CHD1L: variants seen among roughly 807,000 people sequenced by gnomAD.
CHD1L encodes chromodomain helicase DNA binding protein 1 like, also known as ATP-dependent chromatin remodeler CHD1L.
In CHD1L, 118 loss-of-function variants were observed where a neutral mutation model predicts 115.9. The observed-to-expected ratio is 1.02, with a 90% CI of 0.88 to 1.19. The LOEUF (loss-of-function observed/expected upper bound fraction) is 1.19. Ranked by LOEUF, CHD1L falls within the 50% of genes most tolerant of loss-of-function variation. The pLI is 0.00. For synonymous variants in CHD1L, 411 were observed against 387.1 expected (o/e 1.06, Z -0.72); for missense variants, 1,179 against 1,065.3 (o/e 1.11, Z -1.49).
chr1:147,221,364 G>A, the CHD1L span, among the ~76,000 whole-genome samples: 2 of 152,168 alleles, frequency 1.3e-5, no homozygotes, highest in Non-Finnish European at 2.9e-5. Flanking sequence ...AACTGGACAT[G>A]AGGTGTACTG....
chr1:147,291,501 C>G lies in CHD1L; in HGVS notation c.2340C>G (p.Val780=). The G allele has an allele frequency of 1.3e-5, 21 of 1,613,898 alleles. No homozygotes were observed. Among genetic ancestry groups the G allele is most frequent in the Non-Finnish European group, 1.7e-5 (20 of 1,179,878 alleles). Reference sequence around the variant, plus strand: ...CCTCAGACCTGAGTTTGGGAGGTGTCCTTTTATTTCCTGTTGATGATAAAG... The same window carrying G: ...CCTCAGACCTGAGTTTGGGAGGTGTGCTTTTATTTCCTGTTGATGATAAAG... ...GKMKDLSLGG[V]LLFPVDDKES... The change falls in exon 20 of 23, where the codon GTC becomes GTG. Residue 780 remains valine, a synonymous_variant. Coordinates refer to ENST00000369258, the MANE Select transcript of CHD1L (RefSeq NM_004284.6).
At chr1:147,243,780 A>AT (rs1453214562) in intron 1 of CHD1L, among the ~76,000 whole-genome samples, 2 of 152,234 alleles carry the variant, frequency 1.3e-5, no homozygotes, top group Non-Finnish European at 2.9e-5. Flanking sequence ...AGCAAAACAA[A>AT]TAGGGACCCT....
At chr1:147,287,054 GTTTA>G (rs1250696658) in intron 18 of CHD1L, among the ~76,000 whole-genome samples, 5 of 152,066 alleles carry the variant, frequency 3.3e-5, no homozygotes, top group Non-Finnish European at 5.9e-5. Context: ...CTATGTATTT[GTTTA>G]TTTGACTGTT....
the CHD1L span, chr1:147,201,116 CAAGTAATT>C: frequency 6.9e-7 from 1 of 1,448,042 alleles, no homozygotes; most frequent in South Asian, 1.2e-5. Context: ...AACATATCAC[CAAGTAATT>C]AAGTAGTCTA....
intron 6 of CHD1L, among the ~76,000 whole-genome samples, chr1:147,262,739 A>AG (rs1179477125): frequency 6.6e-6 from 1 of 151,766 alleles, no homozygotes; most frequent in East Asian, 1.9e-4. Flanking sequence ...GGCAAAAAAA[A>AG]AAATTGTTTA....
At chr1:147,280,695 C>T (rs1034142273) in intron 15 of CHD1L, among the ~76,000 whole-genome samples, 3 of 152,148 alleles carry the variant, frequency 2.0e-5, no homozygotes, top group African/African-American at 7.2e-5. Context: ...TTTTGTCTTT[C>T]TCTTAATTTT....
chr1:147,273,451 GTTTGT>G (rs143716603), intron 12 of CHD1L, among the ~76,000 whole-genome samples: 2,400 of 152,238 alleles, frequency 0.016, 35 homozygotes, highest in Non-Finnish European at 0.027. Flanking sequence ...TTTCACCTGT[GTTTGT>G]TTTATCTCCC....
At chr1:147,186,903 GAAGT>G in the CHD1L span, 1 of 1,611,154 alleles carries the variant, frequency 6.2e-7, no homozygotes, top group African/African-American at 1.3e-5. Flanking sequence ...AGGACAACTA[GAAGT>G]AAGCTATAAT....
chr1:147,197,791 C>A, the CHD1L span, among the ~76,000 whole-genome samples: 1 of 152,128 alleles, frequency 6.6e-6, no homozygotes, highest in African/African-American at 2.4e-5. Flanking sequence ...CACAGTCTTC[C>A]TTGCTTGGCT....
the CHD1L span, among the ~76,000 whole-genome samples, chr1:147,235,087 C>CTGTGTGTGTGTGTGTGTGTGTGTG: frequency 1.5e-4 from 22 of 146,158 alleles, no homozygotes; most frequent in East Asian, 4.1e-4. Flanking sequence ...ATATCCCACA[C>CTGTGTGTGTGTGTGTGTGTGTGTG]TGTGTGTGTG....
At chr1:147,201,567 T>C in the CHD1L span, 1 of 1,366,986 alleles carries the variant, frequency 7.3e-7, no homozygotes, top group South Asian at 1.3e-5. Context: ...ACCACATAAG[T>C]AAAATTTTGC....
At chr1:147,201,504 T>C in the CHD1L span, 13 of 1,602,218 alleles carry the variant, frequency 8.1e-6, no homozygotes, top group Non-Finnish European at 9.4e-6. Context: ...GACTCAGAGC[T>C]CTGTGAGTCG....
chr1:147,206,006 C>T, the CHD1L span, among the ~76,000 whole-genome samples: 5 of 151,632 alleles, frequency 3.3e-5, no homozygotes, highest in Admixed American at 6.6e-5. Flanking sequence ...AAAATTTTTG[C>T]AATCTACTCA....
chr1:147,215,490 A>C, the CHD1L span: 1 of 407,920 alleles, frequency 2.5e-6, no homozygotes, highest in African/African-American at 2.1e-5. Flanking sequence ...TGTTTATTGC[A>C]ATCAAATAAT....
chr1:147,251,584 A>G (rs1005388339), intron 1 of CHD1L, among the ~76,000 whole-genome samples: 9 of 152,108 alleles, frequency 5.9e-5, no homozygotes, highest in Non-Finnish European at 1.0e-4. Context: ...GCTGTAGTGC[A>G]GTGGCGCGAT....
the CHD1L span, chr1:147,178,052 C>G: frequency 3.4e-6 from 3 of 882,992 alleles, no homozygotes; most frequent in Non-Finnish European, 3.3e-6. Flanking sequence ...GTCGCGCGCC[C>G]GACCGCCGCA....
At chr1:147,224,998 C>T in the CHD1L span, 1 of 1,614,024 alleles carries the variant, frequency 6.2e-7, no homozygotes, top group African/African-American at 1.3e-5. Context: ...GCTCACTCCT[C>T]CCCCAATCAC....
chr1:147,196,933 G>C, the CHD1L span, among the ~76,000 whole-genome samples: 2 of 152,234 alleles, frequency 1.3e-5, no homozygotes, highest in East Asian at 1.9e-4. Context: ...CTCTCATGCT[G>C]TCTTACTGAG....
At chr1:147,265,678 CAA>C (rs1673601022) in intron 7 of CHD1L, among the ~76,000 whole-genome samples, 1 of 152,058 alleles carries the variant, frequency 6.6e-6, no homozygotes, top group East Asian at 1.9e-4. Context: ...ATTCTGGAAA[CAA>C]AACAGCTTTG....
Sources: allele counts gnomAD v4.1 joint callset (sites outside exome capture counted in the v4.1 genomes callset), GRCh38; gene constraint gnomAD v4.1.1; transcripts MANE v1.5; gene names NCBI Gene and HGNC (gene_info 2026-07-23, HGNC 2026-07-21).